ABCA9: variants seen among roughly 807,000 people sequenced by gnomAD.
ABCA9 encodes ATP-binding cassette sub-family A member 9.
A neutral mutation model predicts 205.3 loss-of-function variants in ABCA9; 183 were observed. The observed-to-expected ratio is 0.89, with a 90% confidence interval of 0.79 to 1.01. The LOEUF is 1.01. Ranked by LOEUF, ABCA9 falls within the 50% of genes least tolerant of loss-of-function variation. The pLI is 0.00. For missense variants in ABCA9, 1,805 were observed against 1,912.4 expected (o/e 0.94, Z 1.05); for synonymous variants, 651 against 683.3 (o/e 0.95, Z 0.74).
intron 30 of ABCA9, 95 bp from the exon 31 acceptor site, chr17:68,989,213 A>T (rs2069356928): frequency 1.4e-5 from 9 of 659,076 alleles, no homozygotes; most frequent in East Asian, 5.7e-5. Context: ...TGCTATGTGA[A>T]ATGTGCTATA....
intron 34 of ABCA9, 81 bp from the exon 35 acceptor site, chr17:68,984,256 G>A (rs907253386): frequency 7.7e-6 from 12 of 1,561,144 alleles, no homozygotes; most frequent in South Asian, 7.3e-5. Context: ...TTCCATCGAC[G>A]CAAAGATGAA....
intron 25 of ABCA9, among the ~76,000 whole-genome samples, chr17:69,005,824 G>T (rs1427550630): frequency 6.6e-6 from 1 of 152,108 alleles, no homozygotes; most frequent in Non-Finnish European, 1.5e-5. Context: ...GGAGAGGATT[G>T]TGTGATGTAT....
At chr17:68,990,075 C>A (rs1398021816) in intron 29 of ABCA9, 145 bp from the exon 30 acceptor site, 10 of 669,606 alleles carry the variant, frequency 1.5e-5, no homozygotes, top group Non-Finnish European at 2.7e-5. Flanking sequence ...TTCAAGTGAA[C>A]TCTTACAGTC....
chr17:68,980,954 G>T (rs112665125), intron 37 of ABCA9, among the ~76,000 whole-genome samples: 1 of 150,996 alleles, frequency 6.6e-6, no homozygotes, highest in Non-Finnish European at 1.5e-5. Flanking sequence ...GAAGGAAATC[G>T]TGTTGTGGAT....
At chr17:69,068,747 A>T in the ABCA9 span, among the ~76,000 whole-genome samples, 48 of 152,360 alleles carry the variant, frequency 3.2e-4, no homozygotes, top group Non-Finnish European at 5.6e-4. Context: ...ATCCAGAAAG[A>T]AGTAGGTGAA....
In ABCA9 at chr17:68,983,770, G is replaced by A; in HGVS notation, c.4579C>T (p.Gln1527Ter). 1 of 1,614,214 alleles carries A rather than the reference G, an allele frequency of 6.2e-7. No individual in the cohort carries two copies. Among genetic ancestry groups the A allele is most frequent in the Non-Finnish European group, 8.5e-7 (1 of 1,180,038 alleles). Residue 1527 changes from glutamine (Q) to a stop codon, truncating the protein, a stop_gained, in exon 36 of 39, where the codon CAA becomes TAA. Transcript: ENST00000340001. LOFTEE classifies it high-confidence loss of function. The part of the protein sequence containing the change: ...LLEMKLKNLA[Q>*]MEPLHAEILR... Reference sequence around the variant, plus strand: ...ATCTCTGCATGGAGGGGCTCCATTTGTGCCAGGTTCTTCAGCTTCATCTCC... The same window carrying A: ...ATCTCTGCATGGAGGGGCTCCATTTATGCCAGGTTCTTCAGCTTCATCTCC...
In ABCA9 at chr17:68,984,106, C is replaced by T; in HGVS notation, c.4449G>A (p.Glu1483=). 1 of 1,614,180 alleles carries T rather than the reference C, an allele frequency of 6.2e-7. No homozygotes were observed. The highest frequency in any genetic ancestry group is 1.1e-5 in the South Asian group (1 of 91,078). Residue 1483 remains glutamate (E), a synonymous_variant, in exon 35 of 39, where the codon GAG becomes GAA. Coordinates refer to ENST00000340001, the MANE Select transcript of ABCA9 (RefSeq NM_080283.4). ...CCACTCGGTCACACACCGCCTCAGC[C>T]TCTGCCATGTAGTGGGTGGTCAGGA... ...GALLTTHYMA[E]AEAVCDRVAI...
intron 10 of ABCA9, among the ~76,000 whole-genome samples, chr17:69,029,912 A>C (rs2071105832): frequency 6.6e-6 from 1 of 152,234 alleles, no homozygotes; most frequent in South Asian, 2.1e-4. Flanking sequence ...AAAATATTTT[A>C]TCAGGAAAAA....
At chr17:69,056,653 A>T (rs1027934993) in intron 1 of ABCA9, among the ~76,000 whole-genome samples, 2 of 152,204 alleles carry the variant, frequency 1.3e-5, no homozygotes, top group African/African-American at 4.8e-5. Context: ...CAGAAAATGA[A>T]ATACAATTCT....
the ABCA9 span, among the ~76,000 whole-genome samples, chr17:69,069,361 A>G: frequency 6.6e-6 from 1 of 152,154 alleles, no homozygotes; most frequent in Non-Finnish European, 1.5e-5. Context: ...CGGGGGAGAC[A>G]TTCCTGGGGT....
rs2071883459 is a variant in ABCA9 at position 69,050,975 on chromosome 17, TGATAA to T, written c.96+51_96+55del. On this transcript the variant is annotated intron_variant, in intron 2 of 38. Coordinates refer to ENST00000340001, the MANE Select transcript of ABCA9 (RefSeq NM_080283.4). ...ATGAAAATAAAGTGTTTATGTTGCC[TGATAA>T]AATACTTTTTCATCCTCTAAATATG... The T allele has an allele frequency of 2.0e-6, 3 of 1,504,088 alleles. No individual in the cohort carries two copies. The African/African-American group carries it at 4.1e-5, about 21-fold the overall frequency. The allele number at this position is 1,504,088 out of a possible 1,614,324, so 93.2% of individuals were successfully genotyped here.
At chr17:69,021,259 C>T (rs2070798432) in intron 18 of ABCA9, among the ~76,000 whole-genome samples, 1 of 151,854 alleles carries the variant, frequency 6.6e-6, no homozygotes, top group Non-Finnish European at 1.5e-5. Flanking sequence ...AAAGAGTAAA[C>T]ACCATAAGAT....
intron 14 of ABCA9, 41 bp from the exon 15 acceptor site, chr17:69,027,155 G>A: frequency 6.2e-7 from 1 of 1,602,842 alleles, no homozygotes; most frequent in Non-Finnish European, 8.5e-7. Flanking sequence ...CACCCTTTCG[G>A]ATAAGATCCT....
rs774192122 is a variant in ABCA9, at chr17:68,976,217, A to C, written c.4721-27T>G. The C allele has an allele frequency of 3.1e-6, 5 of 1,601,358 alleles. No homozygotes were observed. The East Asian group carries it at 8.9e-5, about 29-fold the overall frequency. On this transcript the variant is annotated intron_variant, in intron 37 of 38. Transcript: ENST00000340001. ...TGCATAAGAATGAGCATACATTAGG[A>C]ATTCTATTTTTTTTTTCAGTGAGTT...
intron 6 of ABCA9, among the ~76,000 whole-genome samples, chr17:69,041,230 T>C (rs575050019): frequency 5.9e-4 from 90 of 152,304 alleles, no homozygotes; most frequent in Middle Eastern, 3.4e-3. Context: ...TTCATTCATC[T>C]GAAATTGTTC....
intron 32 of ABCA9, among the ~76,000 whole-genome samples, chr17:68,985,957 AAAAAG>A (rs904913455): frequency 1.3e-5 from 2 of 152,060 alleles, no homozygotes; most frequent in Admixed American, 6.5e-5. Flanking sequence ...AAAAAAAGGA[AAAAAG>A]AAAAAGAAAA....
At chr17:69,058,662 A>T (rs1029679989) in intron 1 of ABCA9, among the ~76,000 whole-genome samples, 26 of 151,904 alleles carry the variant, frequency 1.7e-4, no homozygotes, top group Admixed American at 7.9e-4. Context: ...ACGTGGTGAA[A>T]CCCCATCTCC....
At position 69,027,682 on chromosome 17, in the gene ABCA9, A is replaced by C; in HGVS notation, c.1749T>G (p.Phe583Leu). 8 of 1,613,620 alleles carry C rather than the reference A, an allele frequency of 5.0e-6. No homozygotes were observed. The highest frequency in any genetic ancestry group is 5.9e-6 in the Non-Finnish European group (7 of 1,179,904). ...FLTVKENLRL[F>L]AKIKGILPHE... ...GTGGCAAAATCCCTTTTATTTTAGC[A>C]AACAGCCTGAGGTTTTCTTTCACAG... is the stretch of plus-strand genomic sequence containing the variant. The change falls in exon 13 of 39, where the codon TTT (phenylalanine) becomes TTG (leucine). Residue 583 changes from phenylalanine to leucine, a missense_variant. By Grantham distance (22) the Phe-to-Leu change is conservative. Coordinates refer to ENST00000340001, the MANE Select transcript of ABCA9 (RefSeq NM_080283.4).
rs1410673701 is a variant in ABCA9, at chr17:68,982,439, TTAG to T, written c.4720+120_4720+122del. On this transcript the variant is annotated intron_variant, in intron 37 of 38. Coordinates refer to ENST00000340001, the MANE Select transcript of ABCA9 (RefSeq NM_080283.4). ...ATGGAAAAACACTGGATTAGCAGTC[TTAG>T]TAATGTATTAATGATATAACAGCAT... 1.2e-5 allele frequency: 9 copies of T among 752,028 alleles called. No homozygotes were observed. The Admixed American group carries it at 1.9e-4, about 16-fold the overall frequency. 46.6% of individuals were successfully genotyped at this position (752,028 alleles called of 1,614,324 possible).
Sources: allele counts gnomAD v4.1 joint callset (sites outside exome capture counted in the v4.1 genomes callset), GRCh38; gene constraint gnomAD v4.1.1; transcripts MANE v1.5; gene names NCBI Gene and HGNC (gene_info 2026-07-23, HGNC 2026-07-21).